The following LOXL4 variants were observed in gnomAD, a reference collection of about 807,000 sequenced individuals.
The protein encoded by LOXL4 is lysyl oxidase homolog 4.
LOXL4 carries 72 observed loss-of-function variants against 89.1 expected under a neutral mutation model. The observed-to-expected ratio is 0.81, with a 90% CI of 0.67 to 0.98. The LOEUF is 0.98. LOXL4 is among the 50% of genes least tolerant of loss of function. The pLI, the probability that LOXL4 is intolerant of heterozygous loss-of-function variation, is 0.00. For synonymous variants in LOXL4, 355 were observed against 392.1 expected (o/e 0.91, Z 1.12); for missense variants, 984 against 1,017.5 (o/e 0.97, Z 0.45).
At chr10:98,259,553 A>G (rs1858481299) in intron 4 of LOXL4, 124 bp from the exon 5 acceptor site, 1 of 849,336 alleles carries the variant, frequency 1.2e-6, no homozygotes, top group Non-Finnish European at 2.0e-6. Context: ...TTATTCACTA[A>G]TCTGATTTCA....
intron 4 of LOXL4, among the ~76,000 whole-genome samples, chr10:98,260,082 T>C (rs1858495868): frequency 6.6e-6 from 1 of 152,236 alleles, no homozygotes; most frequent in Admixed American, 6.5e-5. Context: ...AAGTCCTCCC[T>C]GACACGGATC....
At chr10:98,261,520 C>T (rs1207042419) in intron 3 of LOXL4, among the ~76,000 whole-genome samples, 4 of 152,218 alleles carry the variant, frequency 2.6e-5, no homozygotes, top group Non-Finnish European at 5.9e-5. Context: ...CTTGAGACCA[C>T]AGCAGGATCC....
rs1049305245 is a variant in LOXL4 at position 98,259,066 on chromosome 10, T to A, written c.864A>T (p.Ala288=). The change falls in exon 6 of 15, where the codon GCA becomes GCT. Residue 288 remains alanine, a synonymous_variant. Transcript: ENST00000260702. ...TCTTCGGTGGGCGGAAGTGAGGCCC[T>A]GCCACACAGCTGACCACAGCGTGCA... ...GGMHAVVSCV[A]GPHFRPPKTK... 9 of 1,580,174 alleles carry A rather than the reference T, an allele frequency of 5.7e-6. No individual in the cohort carries two copies. The highest frequency in any genetic ancestry group is 7.7e-6 in the Non-Finnish European group (9 of 1,162,170).
chr10:98,262,246 C>T (rs1590884514), intron 2 of LOXL4, 33 bp from the exon 3 acceptor site: 1 of 1,610,038 alleles, frequency 6.2e-7, no homozygotes, highest in East Asian at 2.2e-5. Context: ...AAAGATGGCA[C>T]AGAGAGGCAG....
chr10:98,261,696 G>A (rs1858547469), intron 3 of LOXL4, among the ~76,000 whole-genome samples: 1 of 152,276 alleles, frequency 6.6e-6, no homozygotes, highest in Non-Finnish European at 1.5e-5. Context: ...GGCTTGGGCT[G>A]TTTTTAGCTC....
At chr10:98,249,183 A>G (rs1030328047) in intron 14 of LOXL4, among the ~76,000 whole-genome samples, 192 bp from the exon 15 acceptor site, 1 of 152,178 alleles carries the variant, frequency 6.6e-6, no homozygotes, top group Non-Finnish European at 1.5e-5. Flanking sequence ...AGAACAGGCT[A>G]TTGATTGGAA....
intron 4 of LOXL4, among the ~76,000 whole-genome samples, chr10:98,259,677 C>T (rs893151867): frequency 6.6e-6 from 1 of 152,198 alleles, no homozygotes; most frequent in Non-Finnish European, 1.5e-5. Context: ...GTGGATCAGG[C>T]TTGCCCTCTC....
In LOXL4 at chr10:98,257,771, C is replaced by T; in HGVS notation, c.1139G>A (p.Cys380Tyr). The T allele has an allele frequency of 6.2e-7, 1 of 1,613,860 alleles. No homozygotes were observed. The highest frequency in any genetic ancestry group is 8.5e-7 in the Non-Finnish European group (1 of 1,179,846). The change falls in exon 8 of 15, where the codon TGC (cysteine) becomes TAC (tyrosine). Residue 380 changes from cysteine to tyrosine, a missense_variant. Coordinates refer to ENST00000260702, the MANE Select transcript of LOXL4 (RefSeq NM_032211.7). ...GCTGAGGGTCCGCTCATATCCCCTG[C>T]AGCGCACCTCACTCAGGTGGATGGG... ...LGPIHLSEVR[C>Y]RGYERTLSDC...
chr10:98,263,365 C>G (rs893999601), intron 1 of LOXL4, among the ~76,000 whole-genome samples: 15 of 152,116 alleles, frequency 9.9e-5, no homozygotes, highest in African/African-American at 3.6e-4. Context: ...AATAAAACAC[C>G]GTATGGAAAG....
chr10:98,258,229 C>T (rs1858439757), intron 6 of LOXL4, 65 bp from the exon 7 acceptor site: 2 of 1,486,152 alleles, frequency 1.3e-6, no homozygotes, highest in Non-Finnish European at 1.8e-6. Flanking sequence ...TGAGCCCCCA[C>T]AGCGGGATCC....
intron 13 of LOXL4, 144 bp downstream of exon 13, chr10:98,251,422 A>T: frequency 8.7e-7 from 1 of 1,145,122 alleles, no homozygotes; most frequent in Non-Finnish European, 1.2e-6. Context: ...CTTGACTGTT[A>T]CTTCCCTAAC....
intron 6 of LOXL4, 95 bp from the exon 7 acceptor site, chr10:98,258,259 T>G: frequency 2.3e-6 from 3 of 1,300,534 alleles, no homozygotes; most frequent in Non-Finnish European, 3.1e-6. Flanking sequence ...CTCCTTCAAG[T>G]TCCATGGCGG....
intron 3 of LOXL4, 111 bp downstream of exon 3, chr10:98,261,924 G>C: frequency 8.5e-7 from 1 of 1,173,084 alleles, no homozygotes; most frequent in South Asian, 1.7e-5. Context: ...ACGATGCTCA[G>C]TGCAGACTGC....
At chr10:98,250,962 C>T (rs1858172882) in intron 14 of LOXL4, 103 bp downstream of exon 14, 4 of 795,392 alleles carry the variant, frequency 5.0e-6, no homozygotes, top group Non-Finnish European at 8.5e-6. Context: ...GCACACCACA[C>T]ACATACAAGT....
rs1858525500 is a variant in LOXL4, at chr10:98,261,083, A to C, written c.501T>G (p.Ser167Arg). Reference protein sequence around the residue: ...EEVRLKPILASAKQHSPVTEG... With the variant: ...EEVRLKPILARAKQHSPVTEG... ...CGGTCACTGGGCTATGCTGCTTGGC[A>C]CTGGCAAGGATGGGCTTGAGCCGCA... The change falls in exon 4 of 15, where the codon AGT becomes AGG. Residue 167 changes from serine to arginine, a missense_variant. By Grantham distance (110) the Ser-to-Arg change is moderately radical (BLOSUM62 -1). Coordinates refer to ENST00000260702, the MANE Select transcript of LOXL4 (RefSeq NM_032211.7). 1 of 1,613,448 alleles carries C rather than the reference A, an allele frequency of 6.2e-7. No individual in the cohort carries two copies. Among genetic ancestry groups the C allele is most frequent in the Non-Finnish European group, 8.5e-7 (1 of 1,180,008 alleles).
intron 14 of LOXL4, among the ~76,000 whole-genome samples, chr10:98,249,211 TCTC>T (rs1858121055): frequency 6.6e-6 from 1 of 152,338 alleles, no homozygotes; most frequent in East Asian, 1.9e-4. Flanking sequence ...TGCTAGTTAT[TCTC>T]CTTTGCCCCC....
In LOXL4 at chr10:98,256,874, C is replaced by CGTGGGACCCCGTTCACCT. The variant is rs773550607; in HGVS notation, c.1316_1333dup (p.Pro444_Arg445insGlnValAsnGlyValPro). ...GTTTTCACTGCACACGCTCCCCCAG[C>CGTGGGACCCCGTTCACCT]GTGGGACCCCGTTCACCTCCACCTG... On this transcript the variant is annotated inframe_insertion, in exon 9 of 15. Coordinates refer to ENST00000260702, the MANE Select transcript of LOXL4 (RefSeq NM_032211.7). The CGTGGGACCCCGTTCACCT allele has an allele frequency of 1.7e-5, 28 of 1,614,068 alleles. No individual in the cohort carries two copies. Among genetic ancestry groups the CGTGGGACCCCGTTCACCT allele is most frequent in the Non-Finnish European group, 2.4e-5 (28 of 1,180,040 alleles).
rs1858107567 is a variant in LOXL4 at position 98,248,856 on chromosome 10, G to A, written c.*65C>T. The A allele has an allele frequency of 2.8e-6, 4 of 1,433,852 alleles. No homozygotes were observed. Among genetic ancestry groups the A allele is most frequent in the Admixed American group, 3.6e-5 (2 of 55,050 alleles). The allele number at this position is 1,433,852 out of a possible 1,614,324, so 88.8% of individuals were successfully genotyped here. On this transcript the variant is annotated 3_prime_UTR_variant, in exon 15 of 15. Coordinates refer to ENST00000260702, the MANE Select transcript of LOXL4 (RefSeq NM_032211.7). Reference sequence around the variant, plus strand: ...CCTCTGAGTTGGGACTCTGTGAAGGGCATGGCTCCAATAAGCTGAGGTATC... The same window carrying A: ...CCTCTGAGTTGGGACTCTGTGAAGGACATGGCTCCAATAAGCTGAGGTATC...
At chr10:98,254,485 G>A (rs540848227) in intron 10 of LOXL4, among the ~76,000 whole-genome samples, 69 of 152,318 alleles carry the variant, frequency 4.5e-4, no homozygotes, top group Admixed American at 2.0e-3. Context: ...ATATATTGGA[G>A]AGAGCCAGGA....
Sources: gnomAD v4.1 joint callset for allele counts (sites outside exome capture counted in the v4.1 genomes callset) on GRCh38, gnomAD v4.1.1 for gene constraint, MANE v1.5 for transcripts, NCBI Gene and HGNC (gene_info 2026-07-23, HGNC 2026-07-21) for gene names.